Variants in C4orf51 observed in about 807,000 individuals in gnomAD.
C4orf51 encodes the protein chromosome 4 open reading frame 51, also known as uncharacterized protein C4orf51.
C4orf51 carries 25 observed loss-of-function variants against 25.2 expected under a neutral mutation model. The ratio of observed to expected loss-of-function variants is 0.99; its 90% CI spans 0.72 to 1.39. The LOEUF (loss-of-function observed/expected upper bound fraction) is 1.39. C4orf51 is among the 40% of genes most tolerant of loss of function. The pLI, the probability that C4orf51 is intolerant of heterozygous loss-of-function variation, is 0.00. For synonymous variants in C4orf51, 100 were observed against 84.5 expected, an observed-to-expected ratio of 1.18 and a Z score of -1.01; for missense variants, 252 against 239.6, an observed-to-expected ratio of 1.05 and a Z score of -0.34.
chr4:145,779,458 T>C, the C4orf51 span: 2 of 1,614,260 alleles, frequency 1.2e-6, no homozygotes, highest in Non-Finnish European at 1.7e-6. Flanking sequence ...AGCTGGTCAT[T>C]GAATTTCCAG....
At chr4:145,719,223 C>T (rs540071504) in intron 2 of C4orf51, among the ~76,000 whole-genome samples, 1 of 152,246 alleles carries the variant, frequency 6.6e-6, no homozygotes, top group African/African-American at 2.4e-5. Context: ...CCACAACCTA[C>T]TTCTTTATAG....
intron 1 of C4orf51, among the ~76,000 whole-genome samples, chr4:145,769,791 A>T (rs1451143706): frequency 1.3e-5 from 2 of 152,228 alleles, no homozygotes; most frequent in African/African-American, 4.8e-5. Flanking sequence ...ACACATTAGG[A>T]CAACCAGCTG....
chr4:145,687,490 A>T lies in C4orf51; in HGVS notation c.233+7054A>T, dbSNP rs531315284. Among the ~76,000 whole-genome samples the T allele has an allele frequency of 7.9e-5, 12 of 152,330 alleles. No homozygotes were observed. In the East Asian group the frequency reaches 2.3e-3, roughly 29 times the overall value. ...TAACTGAGACATGTCTCAAATTTTCAGGGTTCACATCTCCTTTTCACTAGA... is the reference window on the plus strand; with the variant it reads ...TAACTGAGACATGTCTCAAATTTTCTGGGTTCACATCTCCTTTTCACTAGA... On this transcript the variant is annotated intron_variant, in intron 1 of 5. Coordinates refer to ENST00000438731, the MANE Select transcript of C4orf51 (RefSeq NM_001080531.3).
chr4:145,780,774 A>G, the C4orf51 span, among the ~76,000 whole-genome samples: 1 of 152,222 alleles, frequency 6.6e-6, no homozygotes, highest in Non-Finnish European at 1.5e-5. Context: ...TGACACACTA[A>G]GTTAATATCT....
Position 145,729,901 on chromosome 4 carries a change from C to T in C4orf51, c.437C>T (p.Pro146Leu), listed in dbSNP as rs1244163140. 1 of 1,613,808 alleles carries T rather than the reference C, an allele frequency of 6.2e-7. No homozygotes were observed. Residue 146 changes from proline to leucine, a missense_variant, in exon 5 of 6, where the codon CCT (proline) becomes CTT (leucine). Physicochemically the swap from Pro to Leu is moderately conservative, Grantham distance 98 (BLOSUM62 -3). Coordinates refer to ENST00000438731, the MANE Select transcript of C4orf51 (RefSeq NM_001080531.3). ...TATCTCTTCACCCTAGGTGTGAGAC[C>T]TAAAAAGCCAGCACAGGAGGCCCTG... ...PPNYGKYCVR[P>L]KKPAQEALIN...
downstream of C4orf51, among the ~76,000 whole-genome samples, chr4:145,736,096 T>C (rs1276653151): frequency 2.0e-5 from 3 of 152,122 alleles, no homozygotes; most frequent in Non-Finnish European, 4.4e-5. Flanking sequence ...AGCCAAGCTA[T>C]GGTCTGGAAG....
At position 145,744,547 on chromosome 4, in the gene C4orf51, C is replaced by T. The variant is rs141470680; in HGVS notation, n.168-9660C>T. Among the ~76,000 whole-genome samples, 653 of 151,216 alleles carry T rather than the reference C, an allele frequency of 4.3e-3. 4 individuals carry two copies. The highest frequency in any genetic ancestry group is 0.014 in the African/African-American group (588 of 41,178). On this transcript the variant is annotated intron_variant and non_coding_transcript_variant, in intron 1 of 1. Coordinates refer to the C4orf51 transcript ENST00000508981. ...ATAAAGAGATGGGACCTTGGCTGGG[C>T]GCGGTGGCTCACACCTCTAATCCCA...
At position 145,690,773 on chromosome 4, in the gene C4orf51, A is replaced by G. The variant is rs191374806; in HGVS notation, c.234-5786A>G. On this transcript the variant is annotated intron_variant, in intron 1 of 5. Coordinates refer to ENST00000438731, the MANE Select transcript of C4orf51 (RefSeq NM_001080531.3). ...ACTATCCAGAATCCACAAGGAACTT[A>G]AATCAACAAGCAAAAACCAACAAAC... is the stretch of plus-strand genomic sequence containing the variant. Among the ~76,000 whole-genome samples, 179 of 152,324 alleles carry G rather than the reference A, an allele frequency of 1.2e-3. 1 individual carries two copies. Among genetic ancestry groups the G allele is most frequent in the African/African-American group, 3.7e-3 (155 of 41,584 alleles).
At chr4:145,693,662 G>C (rs1455050555) in intron 1 of C4orf51, among the ~76,000 whole-genome samples, 1 of 79,894 alleles carries the variant, frequency 1.3e-5, no homozygotes, top group Non-Finnish European at 2.5e-5. Context: ...GGGCAGGGGG[G>C]CTGACCCCCC....
intron 3 of C4orf51, among the ~76,000 whole-genome samples, chr4:145,727,242 A>G (rs188808477): frequency 3.3e-5 from 5 of 152,296 alleles, no homozygotes; most frequent in Non-Finnish European, 7.3e-5. Context: ...GAAAAATTAT[A>G]TATAATATAC....
the C4orf51 span, among the ~76,000 whole-genome samples, chr4:145,789,145 G>A: frequency 1.3e-5 from 2 of 152,154 alleles, no homozygotes; most frequent in African/African-American, 4.8e-5. Flanking sequence ...GAAAGCCATT[G>A]ATAAGGGTGG....
At chr4:145,773,704 T>C (rs1736620884), downstream of C4orf51, among the ~76,000 whole-genome samples, 1 of 152,206 alleles carries the variant, frequency 6.6e-6, no homozygotes, top group Non-Finnish European at 1.5e-5. Flanking sequence ...GAAGCTTAAA[T>C]AACAGGCGAG....
At chr4:145,683,564 A>G (rs1728961689) in intron 1 of C4orf51, among the ~76,000 whole-genome samples, 1 of 152,248 alleles carries the variant, frequency 6.6e-6, no homozygotes, top group African/African-American at 2.4e-5. Flanking sequence ...TCAATGAAGT[A>G]GAATAGAGAG....
intron 2 of C4orf51, among the ~76,000 whole-genome samples, chr4:145,714,644 A>T (rs1415025759): frequency 6.6e-6 from 1 of 152,192 alleles, no homozygotes; most frequent in African/African-American, 2.4e-5. Context: ...GGAAATTTGT[A>T]GAGCTCCATT....
In C4orf51 at chr4:145,703,409, T is replaced by C. The variant is rs573399076; in HGVS notation, c.307+6777T>C. 2.0e-5 allele frequency among the ~76,000 whole-genome samples: 3 copies of C among 152,238 alleles called. No individual in the cohort carries two copies. The East Asian group carries it at 5.8e-4, about 29-fold the overall frequency. The stretch of plus-strand genomic sequence containing the variant: ...CACCCTTAACTCCCTTCACTGACTC[T>C]CTTTTCGGACTCAGCCCACCTGTAC... On this transcript the variant is annotated intron_variant, in intron 2 of 5. Transcript: ENST00000438731.
chr4:145,791,728 T>A, the C4orf51 span, among the ~76,000 whole-genome samples: 1 of 152,202 alleles, frequency 6.6e-6, no homozygotes, highest in Non-Finnish European at 1.5e-5. Flanking sequence ...TAGCACTGAT[T>A]TTACTCTGGG....
At chr4:145,699,284 G>A (rs1260015140) in intron 2 of C4orf51, among the ~76,000 whole-genome samples, 1 of 98,734 alleles carries the variant, frequency 1.0e-5, no homozygotes, top group African/African-American at 4.4e-5. Flanking sequence ...ATTTGGTGCC[G>A]TGACTTGGAT....
At chr4:145,764,830 A>C (rs1182337499) in intron 1 of C4orf51, 1 of 943,528 alleles carries the variant, frequency 1.1e-6, no homozygotes, top group Non-Finnish European at 1.7e-6. Flanking sequence ...GTCTAATTCA[A>C]TCCAGCTAAA....
At chr4:145,783,246 T>A in the C4orf51 span, among the ~76,000 whole-genome samples, 1 of 152,222 alleles carries the variant, frequency 6.6e-6, no homozygotes, top group East Asian at 1.9e-4. Flanking sequence ...AGTATATATT[T>A]GTTGAATAAA....
Sources: allele counts gnomAD v4.1 joint callset (sites outside exome capture counted in the v4.1 genomes callset), GRCh38; gene constraint gnomAD v4.1.1; transcripts MANE v1.5; gene names NCBI Gene and HGNC (gene_info 2026-07-23, HGNC 2026-07-21).